The following KCNU1 variants were observed in gnomAD, a reference collection of about 807,000 sequenced individuals.
KCNU1 encodes potassium calcium-activated channel subfamily U member 1.
In KCNU1, 93 loss-of-function variants were observed where a neutral mutation model predicts 126.8. The observed-to-expected ratio is 0.73, with a 90% CI of 0.62 to 0.87. The LOEUF is 0.87. Ranked by LOEUF, KCNU1 falls within the 40% of genes least tolerant of loss-of-function variation. KCNU1 has a pLI of 0.00. For missense variants in KCNU1, 1,330 were observed against 1,367.1 expected, an observed-to-expected ratio of 0.97 and a Z score of 0.43; for synonymous variants, 523 against 494.2, an observed-to-expected ratio of 1.06 and a Z score of -0.77.
intron 7 of KCNU1, among the ~76,000 whole-genome samples, chr8:36,812,708 T>C (rs956236309): frequency 8.5e-5 from 13 of 152,158 alleles, no homozygotes; most frequent in Non-Finnish European, 1.6e-4. Context: ...CTTGGACTGA[T>C]GGGTCAATGT....
chr8:36,904,310 G>T (rs1214695618), intron 19 of KCNU1, among the ~76,000 whole-genome samples: 1 of 152,128 alleles, frequency 6.6e-6, no homozygotes, highest in Non-Finnish European at 1.5e-5. Context: ...GGCTAGAAGA[G>T]ACCCTGAGAA....
At chr8:36,875,681 A>G (rs904118846) in intron 19 of KCNU1, among the ~76,000 whole-genome samples, 37 of 152,240 alleles carry the variant, frequency 2.4e-4, no homozygotes, top group Admixed American at 2.3e-3. Context: ...TTCACATTTT[A>G]TTACAAGTAA....
chr8:36,855,629 G>T (rs192535759), intron 18 of KCNU1, among the ~76,000 whole-genome samples: 14 of 151,820 alleles, frequency 9.2e-5, no homozygotes, highest in African/African-American at 3.4e-4. Flanking sequence ...TATTTCTCTC[G>T]ACTAAATGTT....
chr8:36,918,749 T>G (rs10108041), intron 22 of KCNU1, 74 bp from the exon 23 acceptor site: 513,144 of 896,450 alleles, frequency 0.57, 147,744 homozygotes, highest in Admixed American at 0.64. Context: ...CAAGTTACAT[T>G]ATATTCTTCT....
At chr8:36,934,908 C>T (rs1808808095) in intron 26 of KCNU1, among the ~76,000 whole-genome samples, 2 of 152,124 alleles carry the variant, frequency 1.3e-5, no homozygotes, top group South Asian at 4.1e-4. Flanking sequence ...TTAACGTTCA[C>T]TATTTGCTTG....
rs528230645 is a variant in KCNU1 at position 36,803,841 on chromosome 8, G to A, written c.316-186G>A. Among the ~76,000 whole-genome samples, 23 of 152,100 alleles carry A rather than the reference G, an allele frequency of 1.5e-4. 1 individual carries two copies. In the South Asian group the frequency reaches 3.9e-3, roughly 26 times the overall value. On this transcript the variant is annotated intron_variant, in intron 2 of 26. Coordinates refer to ENST00000399881, the MANE Select transcript of KCNU1 (RefSeq NM_001031836.3). ...ATTCATTTTTTTAATACTCAGAAAA[G>A]GTCCAATCAAGTTGGACCTTGAATC... is the stretch of plus-strand genomic sequence containing the variant.
intron 2 of KCNU1, among the ~76,000 whole-genome samples, chr8:36,790,998 GAA>G (rs199547680): frequency 4.8e-4 from 65 of 134,906 alleles, no homozygotes; most frequent in South Asian, 9.5e-4. Context: ...TAGGAAGATG[GAA>G]AAAAAAAAAA....
At chr8:36,829,114 A>G (rs1301047223) in intron 10 of KCNU1, among the ~76,000 whole-genome samples, 1 of 151,670 alleles carries the variant, frequency 6.6e-6, no homozygotes, top group Non-Finnish European at 1.5e-5. Context: ...TTACTTAACT[A>G]TTTTGTGTGA....
intron 19 of KCNU1, among the ~76,000 whole-genome samples, chr8:36,874,799 G>C (rs147318050): frequency 6.6e-6 from 1 of 152,058 alleles, no homozygotes. Context: ...TAACAGTCCC[G>C]ATTTAATTGG....
intron 7 of KCNU1, among the ~76,000 whole-genome samples, chr8:36,809,824 T>A (rs1293910307): frequency 2.6e-5 from 4 of 152,176 alleles, no homozygotes; most frequent in Non-Finnish European, 5.9e-5. Flanking sequence ...AATGAGGGGC[T>A]CAAAGGCTTA....
At chr8:36,899,900 C>G (rs1390967379) in intron 19 of KCNU1, among the ~76,000 whole-genome samples, 1 of 152,062 alleles carries the variant, frequency 6.6e-6, no homozygotes, top group Non-Finnish European at 1.5e-5. Flanking sequence ...ACAGAGTGAC[C>G]AGTTTTAACC....
chr8:36,806,354 C>A lies in KCNU1; in HGVS notation c.554C>A (p.Ser185Tyr), dbSNP rs1319159282. The change falls in exon 5 of 27, where the codon TCT becomes TAT. Residue 185 changes from serine to tyrosine, a missense_variant. Physicochemically the swap from Ser to Tyr is moderately radical, Grantham distance 144. Around this residue, in one of 3 missense-constraint regions of KCNU1, gnomAD observed 247 missense variants for 255.4 expected, o/e 0.97. Coordinates refer to ENST00000399881, the MANE Select transcript of KCNU1 (RefSeq NM_001031836.3). ...TTTACCATCCCACCAACCTTTATTT[C>A]TTATTATTTGAAGAGCAATTGGCTA... ...DIFTIPPTFI[S>Y]YYLKSNWLGL... The A allele has an allele frequency of 6.2e-6, 10 of 1,605,770 alleles. No individual in the cohort carries two copies. The highest frequency in any genetic ancestry group is 8.5e-6 in the Non-Finnish European group (10 of 1,175,106).
chr8:36,805,708 C>A (rs986517353), intron 4 of KCNU1, among the ~76,000 whole-genome samples: 1 of 152,102 alleles, frequency 6.6e-6, no homozygotes, highest in Non-Finnish European at 1.5e-5. Context: ...TTAAATATTT[C>A]TCTCACTTTA....
chr8:36,935,754 G>A lies in KCNU1; in HGVS notation c.3284G>A (p.Arg1095Lys), dbSNP rs757356932. ...TCACCAGTCTATTCTTACCAGCCGA[G>A]AACTAACTCCCTCTCTTTTCCTAAG... ...LYSPVYSYQPRTNSLSFPKQI... is the reference protein window; with the variant it reads ...LYSPVYSYQPKTNSLSFPKQI... Residue 1095 changes from arginine (R) to lysine (K), a missense_variant, in exon 27 of 27, where the codon AGA (arginine) becomes AAA (lysine). Coordinates refer to ENST00000399881, the MANE Select transcript of KCNU1 (RefSeq NM_001031836.3). The A allele has an allele frequency of 3.1e-6, 5 of 1,613,480 alleles. No individual in the cohort carries two copies. The highest frequency in any genetic ancestry group is 3.3e-4 in the Middle Eastern group (2 of 6,054).
chr8:36,935,151 T>A (rs1217904275), intron 26 of KCNU1, among the ~76,000 whole-genome samples: 1 of 151,794 alleles, frequency 6.6e-6, no homozygotes, highest in Admixed American at 6.6e-5. Context: ...AGACCTGGAG[T>A]AAGGCCATTA....
chr8:36,890,620 T>A (rs186570826), intron 19 of KCNU1, among the ~76,000 whole-genome samples: 2 of 152,038 alleles, frequency 1.3e-5, no homozygotes, highest in African/African-American at 4.8e-5. Flanking sequence ...TAGAAAACAG[T>A]TACAAATGTG....
rs1362179312 is a variant in KCNU1 at position 36,911,109 on chromosome 8, C to T, written c.2511C>T (p.Pro837=). Residue 837 remains proline (P), a synonymous_variant, in exon 22 of 27, where the codon CCC becomes CCT. Coordinates refer to ENST00000399881, the MANE Select transcript of KCNU1 (RefSeq NM_001031836.3). ...LQIDSSSDPS[P]SVSEETPGYT... The stretch of plus-strand genomic sequence containing the variant: ...TTGACTCCTCCTCTGACCCGTCACC[C>T]TCAGTGTCAGGTGAGAACAGCACCC... The T allele has an allele frequency of 2.5e-6, 4 of 1,612,396 alleles. No homozygotes were observed. The Admixed American group carries it at 6.7e-5, about 27-fold the overall frequency.
intron 18 of KCNU1, among the ~76,000 whole-genome samples, chr8:36,861,484 A>T (rs996351): frequency 1.3e-5 from 2 of 152,082 alleles, no homozygotes; most frequent in South Asian, 4.1e-4. Flanking sequence ...GAATGGATAC[A>T]TAAATAAATA....
chr8:36,922,531 C>A lies in KCNU1; in HGVS notation c.2638C>A (p.Leu880Met). The A allele has an allele frequency of 6.2e-7, 1 of 1,613,572 alleles. No homozygotes were observed. Among genetic ancestry groups the A allele is most frequent in the Non-Finnish European group, 8.5e-7 (1 of 1,179,674 alleles). Reference sequence around the variant, plus strand: ...TCACTTTATTGAACAGCTTGGTGGACTGGAAGGGTCCCTCCAAGAAACAAA... The same window carrying A: ...TCACTTTATTGAACAGCTTGGTGGAATGGAAGGGTCCCTCCAAGAAACAAA... ...NIHFIEQLGG[L>M]EGSLQETNLH... Residue 880 changes from leucine to methionine, a missense_variant, in exon 24 of 27, where the codon CTG (leucine) becomes ATG (methionine). Physicochemically the swap from Leu to Met is conservative, Grantham distance 15. Transcript: ENST00000399881.
Sources: gnomAD v4.1 joint callset for allele counts (sites outside exome capture counted in the v4.1 genomes callset) on GRCh38, gnomAD v4.1.1 for gene constraint, gnomAD v4.1.1 regional missense constraint, MANE v1.5 for transcripts, NCBI Gene and HGNC (gene_info 2026-07-23, HGNC 2026-07-21) for gene names.